ZNF831: variants seen among roughly 807,000 people sequenced by gnomAD.
The protein encoded by ZNF831 is chromosome 20 open reading frame 174.
Under a neutral mutation model 95.8 loss-of-function variants are expected in ZNF831, and 59 were observed. The observed-to-expected ratio is 0.62, with a 90% CI of 0.50 to 0.77. The LOEUF (loss-of-function observed/expected upper bound fraction) is 0.77, where lower values mean the gene tolerates loss of function less well. Among genes scored for constraint, ZNF831 ranks in the 30% least tolerant of loss-of-function variants. The pLI, the probability that ZNF831 is intolerant of heterozygous loss-of-function variation, is 0.00. For synonymous variants in ZNF831, 961 were observed against 925.5 expected (o/e 1.04, Z -0.70); for missense variants, 2,205 against 2,164.0 (o/e 1.02, Z -0.38).
chr20:59,215,044 A>T (rs777296713), intron 4 of ZNF831, among the ~76,000 whole-genome samples: 1 of 152,232 alleles, frequency 6.6e-6, no homozygotes, highest in Non-Finnish European at 1.5e-5. Flanking sequence ...TTTGTAAAAA[A>T]TTATTATTAT....
At chr20:59,240,387 G>T (rs1204937246) in intron 4 of ZNF831, among the ~76,000 whole-genome samples, 1 of 152,202 alleles carries the variant, frequency 6.6e-6, no homozygotes, top group Admixed American at 6.5e-5. Context: ...CAGGAAAGAT[G>T]TAAAGGCTTT....
intron 1 of ZNF831, among the ~76,000 whole-genome samples, chr20:59,126,653 C>T (rs1376722706): frequency 3.9e-5 from 6 of 152,214 alleles, no homozygotes; most frequent in Admixed American, 6.5e-5. Context: ...GCTTCCATGG[C>T]GCCCCGTTTC....
At position 59,253,061 on chromosome 20, in the gene ZNF831, T is replaced by C. The variant is rs1251216865; in HGVS notation, c.4111T>C (p.Cys1371Arg). The C allele has an allele frequency of 6.8e-6, 11 of 1,614,054 alleles. No individual in the cohort carries two copies. In the African/African-American group the frequency reaches 1.5e-4, roughly 22 times the overall value. Residue 1371 changes from cysteine (C) to arginine (R), a missense_variant, in exon 5 of 6, where the codon TGC becomes CGC. Physicochemically the swap from Cys to Arg is radical, Grantham distance 180 (BLOSUM62 -3). Coordinates refer to ENST00000371030, the MANE Select transcript of ZNF831 (RefSeq NM_178457.3). ...GAAGGAAGAGAAGAAGGAAGGTGAC[T>C]GCAGACAAACCTTAGGAACCCTCTC... Reference protein sequence around the residue: ...CGKEEKKEGDCRQTLGTLSLG... With the variant: ...CGKEEKKEGDRRQTLGTLSLG...
intron 4 of ZNF831, among the ~76,000 whole-genome samples, chr20:59,210,212 C>A (rs1250654667): frequency 6.6e-6 from 1 of 152,182 alleles, no homozygotes; most frequent in African/African-American, 2.4e-5. Context: ...TATTATAAAC[C>A]TAATACAATT....
chr20:59,230,254 G>A (rs1329339378), intron 4 of ZNF831, among the ~76,000 whole-genome samples: 1 of 152,106 alleles, frequency 6.6e-6, no homozygotes. Context: ...CAATACCATT[G>A]TGGGGAGAAA....
intron 1 of ZNF831, among the ~76,000 whole-genome samples, chr20:59,171,377 A>C (rs1601328777): frequency 6.6e-6 from 1 of 152,310 alleles, no homozygotes. Flanking sequence ...AGAGGCAATA[A>C]ATTTCTATCT....
At chr20:59,150,853 T>C (rs559500283) in intron 2 of ZNF831, among the ~76,000 whole-genome samples, 1 of 152,328 alleles carries the variant, frequency 6.6e-6, no homozygotes, top group South Asian at 2.1e-4. Flanking sequence ...TCTCTCTGCA[T>C]AGTACTCGCT....
At chr20:59,228,891 A>G (rs6100372) in intron 4 of ZNF831, among the ~76,000 whole-genome samples, 2,675 of 152,296 alleles carry the variant, frequency 0.018, 75 homozygotes, top group African/African-American at 0.061. Flanking sequence ...TTACTGTACT[A>G]TCAAATACTA....
chr20:59,230,483 A>AAAATAAAT (rs61012313), intron 4 of ZNF831, among the ~76,000 whole-genome samples: 11 of 151,936 alleles, frequency 7.2e-5, no homozygotes, highest in African/African-American at 1.7e-4. Flanking sequence ...CTGTCTCACA[A>AAAATAAAT]AAATAAATAA....
chr20:59,151,454 G>A (rs1281369227), intron 2 of ZNF831, among the ~76,000 whole-genome samples: 1 of 152,208 alleles, frequency 6.6e-6, no homozygotes, highest in Non-Finnish European at 1.5e-5. Context: ...CCCTGTGCTA[G>A]CATCTTGTGC....
intron 4 of ZNF831, among the ~76,000 whole-genome samples, chr20:59,238,744 T>C (rs1166573143): frequency 6.6e-6 from 1 of 152,220 alleles, no homozygotes. Flanking sequence ...ACAGGGTACA[T>C]TTCTATGCTA....
At chr20:59,168,287 A>G (rs1462819721) in intron 1 of ZNF831, among the ~76,000 whole-genome samples, 1 of 152,188 alleles carries the variant, frequency 6.6e-6, no homozygotes, top group Non-Finnish European at 1.5e-5. Context: ...TGTAGTTTTC[A>G]GTGCGTAAGT....
chr20:59,187,851 C>T (rs560366603), intron 1 of ZNF831, among the ~76,000 whole-genome samples: 157 of 152,270 alleles, frequency 1.0e-3, no homozygotes, highest in African/African-American at 3.4e-3. Flanking sequence ...TTTCTGTTTC[C>T]GTGAGTTTGT....
chr20:59,192,325 A>G lies in ZNF831; in HGVS notation c.1306A>G (p.Lys436Glu), dbSNP rs1366791304. The G allele has an allele frequency of 1.2e-6, 2 of 1,601,334 alleles. No homozygotes were observed. Among genetic ancestry groups the G allele is most frequent in the Admixed American group, 1.7e-5 (1 of 58,304 alleles). ...NVRPRKTGLS[K>E]QGSIDLPTPY... ...GCGGCCCCGGAAGACCGGGCTGTCC[A>G]AACAGGGCAGCATCGACCTGCCCAC... The change falls in exon 2 of 6, where the codon AAA (lysine) becomes GAA (glutamate). Residue 436 changes from lysine (K) to glutamate (E), a missense_variant. Coordinates refer to ENST00000371030, the MANE Select transcript of ZNF831 (RefSeq NM_178457.3). The surrounding 1 kb of genome is among the most constrained non-coding windows in gnomAD (Gnocchi z 5.2).
At position 59,255,789 on chromosome 20, in the gene ZNF831, T is replaced by G. The variant is rs577338663; in HGVS notation, c.*1046T>G. 6.6e-6 allele frequency: 1 copy of G among 152,318 alleles called. No individual in the cohort carries two copies. Among genetic ancestry groups the G allele is most frequent in the Non-Finnish European group, 1.5e-5 (1 of 68,016 alleles). The allele number at this position is 152,318 out of a possible 1,614,324, so 9.4% of individuals were successfully genotyped here. A position where few individuals can be genotyped will look rare whatever the true frequency, so the allele number is the denominator to read the frequency against. ...ATCTCGGTAATTTTATTTTCGGGGCTTAGTGTTACTTTGCTGTCAAATTAA... is the reference window on the plus strand; with the variant it reads ...ATCTCGGTAATTTTATTTTCGGGGCGTAGTGTTACTTTGCTGTCAAATTAA... On this transcript the variant is annotated 3_prime_UTR_variant, in exon 6 of 6. Transcript: ENST00000371030.
chr20:59,153,592 C>G (rs184485815), intron 2 of ZNF831, among the ~76,000 whole-genome samples: 36 of 152,174 alleles, frequency 2.4e-4, no homozygotes, highest in Non-Finnish European at 3.8e-4. Context: ...TCAATGGTTC[C>G]GGGGGCTCAC....
At chr20:59,151,865 C>T (rs1980262992) in intron 2 of ZNF831, among the ~76,000 whole-genome samples, 1 of 152,176 alleles carries the variant, frequency 6.6e-6, no homozygotes, top group Non-Finnish European at 1.5e-5. Context: ...CCCAGCCCCT[C>T]TGTCTAGCGA....
At chr20:59,182,450 G>T (rs1982694644) in intron 1 of ZNF831, among the ~76,000 whole-genome samples, 1 of 152,078 alleles carries the variant, frequency 6.6e-6, no homozygotes, top group Admixed American at 6.6e-5. Flanking sequence ...TTCACAGGGA[G>T]GGGGTAAGTG....
rs1555837608 is a variant in ZNF831 at position 59,253,869 on chromosome 20, C to CG, written c.4189-29_4189-28insG. ...TTGTACCAATTAACCTCCCCCCCCA[C>CG]TTTTTTTTTCCTTTGCACTTTGTTG... On this transcript the variant is annotated intron_variant, in intron 5 of 5. Coordinates refer to ENST00000371030, the MANE Select transcript of ZNF831 (RefSeq NM_178457.3). The CG allele has an allele frequency of 1.3e-3, 1,404 of 1,067,542 alleles. 44 individuals carry two copies. The African/African-American group carries it at 0.025, about 19-fold the overall frequency. The allele number at this position is 1,067,542 out of a possible 1,614,324, so 66.1% of individuals were successfully genotyped here.
Sources: allele counts gnomAD v4.1 joint callset (sites outside exome capture counted in the v4.1 genomes callset), GRCh38; gene constraint gnomAD v4.1.1; non-coding constraint Gnocchi (gnomAD v3.1); transcripts MANE v1.5; gene names NCBI Gene and HGNC (gene_info 2026-07-23, HGNC 2026-07-21).